DLC1: variants seen among roughly 807,000 people sequenced by gnomAD.
DLC1 encodes the protein rho GTPase-activating protein 7.
Under a neutral mutation model 140.3 loss-of-function variants are expected in DLC1, and 54 were observed. That is an observed-to-expected ratio of 0.38 (90% CI 0.31 to 0.48). The LOEUF (loss-of-function observed/expected upper bound fraction) is 0.48. DLC1 is among the 20% of genes least tolerant of loss of function. The pLI is 0.96. For missense variants in DLC1, 2,536 were observed against 1,907.0 expected, an observed-to-expected ratio of 1.33 and a Z score of -6.14; for synonymous variants, 986 against 728.1, an observed-to-expected ratio of 1.35 and a Z score of -5.70.
chr8:13,320,795 G>C (rs1002316347), intron 4 of DLC1, among the ~76,000 whole-genome samples: 1 of 152,168 alleles, frequency 6.6e-6, no homozygotes, highest in African/African-American at 2.4e-5. Context: ...CAGGAGGATT[G>C]CTTGAGGCCA....
intron 4 of DLC1, among the ~76,000 whole-genome samples, chr8:13,360,983 T>C (rs757749560): frequency 4.6e-5 from 7 of 151,984 alleles, no homozygotes; most frequent in Non-Finnish European, 1.0e-4. Context: ...GCGATCTCAA[T>C]ACTTGGGGAG....
chr8:13,587,544 T>TACACAC (rs377724474), intron 1 of DLC1, among the ~76,000 whole-genome samples: 32 of 142,210 alleles, frequency 2.3e-4, no homozygotes, highest in Non-Finnish European at 3.1e-4. Context: ...AATGTGACTA[T>TACACAC]ACACACACAC....
intron 4 of DLC1, among the ~76,000 whole-genome samples, chr8:13,365,975 A>T (rs930253245): frequency 6.6e-6 from 1 of 152,214 alleles, no homozygotes; most frequent in Non-Finnish European, 1.5e-5. Flanking sequence ...TGTACCAGCC[A>T]GAAGGTTTAA....
chr8:13,390,171 G>C (rs762544339), intron 4 of DLC1, among the ~76,000 whole-genome samples: 3 of 151,958 alleles, frequency 2.0e-5, no homozygotes, highest in Non-Finnish European at 4.4e-5. Context: ...TAGTGAAAAG[G>C]GTGTACCTAA....
intron 5 of DLC1, among the ~76,000 whole-genome samples, chr8:13,252,666 G>C (rs550397292): frequency 6.6e-6 from 1 of 152,266 alleles, no homozygotes; most frequent in African/African-American, 2.4e-5. Flanking sequence ...TGCAATAATG[G>C]ATATATAACC....
intron 5 of DLC1, among the ~76,000 whole-genome samples, chr8:13,228,292 T>TAAAA (rs1233874177): frequency 9.2e-6 from 1 of 108,338 alleles, no homozygotes; most frequent in African/African-American, 3.5e-5. Context: ...TTCCCATTCA[T>TAAAA]AAAAAAAAAA....
chr8:13,363,855 A>T (rs113777680), intron 4 of DLC1, among the ~76,000 whole-genome samples: 1 of 152,168 alleles, frequency 6.6e-6, no homozygotes, highest in Non-Finnish European at 1.5e-5. Flanking sequence ...GCCATCAAGA[A>T]CAAAAGCTGT....
At chr8:13,366,354 C>T (rs1479414413) in intron 4 of DLC1, among the ~76,000 whole-genome samples, 4 of 152,092 alleles carry the variant, frequency 2.6e-5, no homozygotes, top group Non-Finnish European at 5.9e-5. Flanking sequence ...ATGATGATAT[C>T]GTAGTGATTA....
At chr8:13,575,200 C>T (rs549678122) in intron 1 of DLC1, among the ~76,000 whole-genome samples, 2 of 152,204 alleles carry the variant, frequency 1.3e-5, no homozygotes, top group Admixed American at 6.5e-5. Context: ...TTTGATGAGC[C>T]CACTGTTTGT....
intron 5 of DLC1, among the ~76,000 whole-genome samples, chr8:13,192,753 T>G (rs1041150164): frequency 2.6e-5 from 4 of 152,162 alleles, no homozygotes; most frequent in Admixed American, 6.5e-5. Flanking sequence ...AGGACTGGTC[T>G]CATAAGAAGA....
At chr8:13,545,789 T>C (rs555234380) in intron 1 of DLC1, among the ~76,000 whole-genome samples, 1 of 152,176 alleles carries the variant, frequency 6.6e-6, no homozygotes, top group Non-Finnish European at 1.5e-5. Context: ...TTGTTTGTGA[T>C]GTTTAAAGAA....
chr8:13,315,593 A>C (rs1282406708), intron 4 of DLC1, among the ~76,000 whole-genome samples: 2 of 152,170 alleles, frequency 1.3e-5, no homozygotes, highest in Non-Finnish European at 2.9e-5. Flanking sequence ...CATGGTAACT[A>C]TTCTGTGACC....
At chr8:13,570,861 G>A (rs1323159053) in intron 1 of DLC1, among the ~76,000 whole-genome samples, 1 of 152,096 alleles carries the variant, frequency 6.6e-6, no homozygotes, top group African/African-American at 2.4e-5. Flanking sequence ...CCTCTACCCT[G>A]TAACTATTCA....
intron 5 of DLC1, among the ~76,000 whole-genome samples, chr8:13,257,169 T>C (rs2117311482): frequency 6.6e-6 from 1 of 152,178 alleles, no homozygotes; most frequent in South Asian, 2.1e-4. Flanking sequence ...AAAATCATGT[T>C]CTTTACTAGA....
chr8:13,426,259 A>G (rs1838578919), intron 2 of DLC1, among the ~76,000 whole-genome samples: 1 of 152,158 alleles, frequency 6.6e-6, no homozygotes, highest in African/African-American at 2.4e-5. Flanking sequence ...GAATATAAAC[A>G]CCTGACATCA....
At chr8:13,375,320 C>T (rs184421276) in intron 4 of DLC1, among the ~76,000 whole-genome samples, 1 of 152,162 alleles carries the variant, frequency 6.6e-6, no homozygotes, top group South Asian at 2.1e-4. Flanking sequence ...AGCCACCGCG[C>T]CCGGCCAAGA....
chr8:13,205,958 T>C (rs568515592), intron 5 of DLC1, among the ~76,000 whole-genome samples: 1 of 152,190 alleles, frequency 6.6e-6, no homozygotes, highest in Non-Finnish European at 1.5e-5. Context: ...TTCTCCCCCA[T>C]GGAAGGATCA....
chr8:13,580,874 G>C (rs1033445536), intron 1 of DLC1, among the ~76,000 whole-genome samples: 1 of 152,138 alleles, frequency 6.6e-6, no homozygotes, highest in African/African-American at 2.4e-5. Flanking sequence ...GCAAGAGAAT[G>C]GATTGTTTTC....
intron 1 of DLC1, among the ~76,000 whole-genome samples, chr8:13,531,131 T>C (rs1564545): frequency 1.7e-4 from 26 of 152,124 alleles, no homozygotes; most frequent in African/African-American, 6.3e-4. Context: ...GAGGGTTGTT[T>C]CCTGGAACTG....
Sources: gnomAD v4.1 joint callset for allele counts (sites outside exome capture counted in the v4.1 genomes callset) on GRCh38, gnomAD v4.1.1 for gene constraint, MANE v1.5 for transcripts, NCBI Gene and HGNC (gene_info 2026-07-23, HGNC 2026-07-21) for gene names.